GALNT7: variants seen among roughly 807,000 people sequenced by gnomAD.
GALNT7 encodes the protein N-acetylgalactosaminyltransferase 7.
GALNT7 carries 60 observed loss-of-function variants against 82.1 expected under a neutral mutation model. The ratio of observed to expected loss-of-function variants is 0.73; its 90% CI spans 0.59 to 0.91. The LOEUF (loss-of-function observed/expected upper bound fraction) is 0.91. GALNT7 is among the 40% of genes least tolerant of loss of function. The pLI, the probability that GALNT7 is intolerant of heterozygous loss-of-function variation, is 0.00. For missense variants in GALNT7, 660 were observed against 804.2 expected (o/e 0.82, Z 2.17); for synonymous variants, 243 against 275.1 (o/e 0.88, Z 1.15).
chr4:173,262,454 A>G (rs927001544), intron 2 of GALNT7, among the ~76,000 whole-genome samples: 1 of 152,206 alleles, frequency 6.6e-6, no homozygotes, highest in African/African-American at 2.4e-5. Flanking sequence ...GATAAGAACA[A>G]TACATTTGTT....
At chr4:173,303,320 G>A (rs1737025267) in intron 7 of GALNT7, among the ~76,000 whole-genome samples, 1 of 152,142 alleles carries the variant, frequency 6.6e-6, no homozygotes, top group Admixed American at 6.6e-5. Context: ...CAAGTAGCAT[G>A]GGGAAAAGTA....
At chr4:173,318,595 T>C (rs1159618325) in intron 11 of GALNT7, 36 bp downstream of exon 11, 11 of 1,318,022 alleles carry the variant, frequency 8.3e-6, no homozygotes, top group Non-Finnish European at 1.1e-5. Context: ...TATTATATGC[T>C]TTTCATTTTC....
intron 1 of GALNT7, among the ~76,000 whole-genome samples, chr4:173,242,347 C>G (rs1452932744): frequency 6.6e-6 from 1 of 152,152 alleles, no homozygotes; most frequent in Non-Finnish European, 1.5e-5. Flanking sequence ...TACCTGAAAG[C>G]ATGCTTCATC....
At chr4:173,282,103 C>T (rs551832036) in intron 2 of GALNT7, among the ~76,000 whole-genome samples, 29 of 152,320 alleles carry the variant, frequency 1.9e-4, no homozygotes, top group African/African-American at 5.1e-4. Context: ...AAACTCTTCT[C>T]ATCTCTGTAG....
chr4:173,319,913 C>A (rs1157092788), intron 11 of GALNT7, among the ~76,000 whole-genome samples: 2 of 151,978 alleles, frequency 1.3e-5, no homozygotes, highest in Non-Finnish European at 2.9e-5. Context: ...TTGCACAAGT[C>A]CTGAAGTGTA....
At chr4:173,275,781 T>C (rs527800274) in intron 2 of GALNT7, among the ~76,000 whole-genome samples, 1 of 152,322 alleles carries the variant, frequency 6.6e-6, no homozygotes, top group African/African-American at 2.4e-5. Context: ...AAAGTTCAGA[T>C]GCAGTAACCT....
At chr4:173,188,810 T>C (rs1732533494) in intron 1 of GALNT7, among the ~76,000 whole-genome samples, 1 of 152,222 alleles carries the variant, frequency 6.6e-6, no homozygotes, top group Non-Finnish European at 1.5e-5. Flanking sequence ...TCCATACCGA[T>C]ATATCTGACC....
chr4:173,188,519 G>A (rs1732524609), intron 1 of GALNT7, among the ~76,000 whole-genome samples: 1 of 152,208 alleles, frequency 6.6e-6, no homozygotes, highest in Admixed American at 6.5e-5. Context: ...CAGCATTTTA[G>A]CATATCTTTC....
intron 2 of GALNT7, among the ~76,000 whole-genome samples, chr4:173,287,324 C>T (rs960775289): frequency 2.0e-5 from 3 of 152,244 alleles, no homozygotes; most frequent in Non-Finnish European, 4.4e-5. Flanking sequence ...TCCCCACTTG[C>T]TTCTCCATCC....
At chr4:173,295,715 G>C in intron 4 of GALNT7, 49 bp from the exon 5 acceptor site, 1 of 1,221,724 alleles carries the variant, frequency 8.2e-7, no homozygotes. Flanking sequence ...TGTAATATAT[G>C]ATGTAACGTA....
intron 1 of GALNT7, among the ~76,000 whole-genome samples, chr4:173,227,532 C>T (rs772197823): frequency 6.6e-6 from 1 of 152,058 alleles, no homozygotes; most frequent in Non-Finnish European, 1.5e-5. Context: ...GGGGTTTCAC[C>T]GTGTTAGCCA....
At chr4:173,201,077 T>A (rs1038330627) in intron 1 of GALNT7, among the ~76,000 whole-genome samples, 1 of 152,202 alleles carries the variant, frequency 6.6e-6, no homozygotes, top group African/African-American at 2.4e-5. Context: ...AGCAATTTTG[T>A]AAATTACTGT....
intron 2 of GALNT7, among the ~76,000 whole-genome samples, chr4:173,271,981 A>C (rs1486449255): frequency 6.6e-6 from 1 of 152,044 alleles, no homozygotes; most frequent in East Asian, 1.9e-4. Context: ...TCAGGTTTTC[A>C]CTATTGTAAA....
Position 173,299,180 on chromosome 4 carries a change from T to C in GALNT7, c.1148+883T>C, listed in dbSNP as rs151120792. On this transcript the variant is annotated intron_variant, in intron 6 of 11. Transcript: ENST00000265000. ...TTTTGGGAAGGTGCTTCCAATGTTA[T>C]GGAAACGCTGTGGGATTTGGGCATG... Among the ~76,000 whole-genome samples, 1,445 of 152,304 alleles carry C rather than the reference T, an allele frequency of 9.5e-3. 11 individuals are homozygous for C. The highest frequency in any genetic ancestry group is 0.015 in the Non-Finnish European group (987 of 68,016).
At chr4:173,288,900 A>G (rs111495156) in intron 2 of GALNT7, among the ~76,000 whole-genome samples, 1 of 152,038 alleles carries the variant, frequency 6.6e-6, no homozygotes, top group African/African-American at 2.4e-5. Context: ...TGTGTTTGTC[A>G]GTTGGTGTCT....
At position 173,272,642 on chromosome 4, in the gene GALNT7, G is replaced by A. The variant is rs188802053; in HGVS notation, c.588-19466G>A. Among the ~76,000 whole-genome samples, 299 of 152,220 alleles carry A rather than the reference G, an allele frequency of 2.0e-3. 1 individual carries two copies. The highest frequency in any genetic ancestry group is 3.4e-3 in the Non-Finnish European group (231 of 68,012). On this transcript the variant is annotated intron_variant, in intron 2 of 11. Coordinates refer to ENST00000265000, the MANE Select transcript of GALNT7 (RefSeq NM_017423.3). ...AAGTAAAGATAACTCAATTGATTCC[G>A]GAAATGAGGTAGACTACCGCAATAA...
chr4:173,295,927 C>A, intron 5 of GALNT7, 84 bp downstream of exon 5: 1 of 817,256 alleles, frequency 1.2e-6, no homozygotes, highest in Non-Finnish European at 2.2e-6. Flanking sequence ...TCCTTTGATT[C>A]CAGCTCCATT....
At chr4:173,229,692 T>C (rs1733963728) in intron 1 of GALNT7, among the ~76,000 whole-genome samples, 1 of 152,204 alleles carries the variant, frequency 6.6e-6, no homozygotes, top group Admixed American at 6.5e-5. Flanking sequence ...GTTGCAGGAA[T>C]TAAAAGAGAT....
chr4:173,241,556 G>A (rs1020015879), intron 1 of GALNT7, among the ~76,000 whole-genome samples: 2 of 152,270 alleles, frequency 1.3e-5, no homozygotes, highest in African/African-American at 4.8e-5. Flanking sequence ...TTATTGAGAG[G>A]CTCTTATATA....
Sources: gnomAD v4.1 joint callset for allele counts (sites outside exome capture counted in the v4.1 genomes callset) on GRCh38, gnomAD v4.1.1 for gene constraint, MANE v1.5 for transcripts, NCBI Gene and HGNC (gene_info 2026-07-23, HGNC 2026-07-21) for gene names.